DCAF6: variants seen among roughly 807,000 people sequenced by gnomAD.
DCAF6 encodes DDB1- and CUL4-associated factor 6.
DCAF6 carries 54 observed loss-of-function variants against 125.1 expected under a neutral mutation model. The ratio of observed to expected loss-of-function variants is 0.43; its 90% CI spans 0.35 to 0.54. The LOEUF (loss-of-function observed/expected upper bound fraction) is 0.54. Ranked by LOEUF, DCAF6 falls within the 20% of genes least tolerant of loss-of-function variation. The pLI is 0.01. For synonymous variants in DCAF6, 371 were observed against 390.4 expected, an observed-to-expected ratio of 0.95 and a Z score of 0.58; for missense variants, 934 against 1,161.7, an observed-to-expected ratio of 0.80 and a Z score of 2.85.
chr1:168,028,834 A>G (rs997295358), intron 12 of DCAF6, among the ~76,000 whole-genome samples: 1 of 152,160 alleles, frequency 6.6e-6, no homozygotes, highest in African/African-American at 2.4e-5. Flanking sequence ...TCTAATTTTT[A>G]TTAAATAAAT....
the DCAF6 span, chr1:167,919,904 T>C: frequency 9.9e-7 from 1 of 1,009,590 alleles, no homozygotes; most frequent in South Asian, 1.5e-5. Context: ...CGAGACCCCG[T>C]CTCAAAAAAA....
At chr1:167,931,826 C>A (rs867266073), upstream of DCAF6, among the ~76,000 whole-genome samples, 8 of 152,108 alleles carry the variant, frequency 5.3e-5, no homozygotes, top group South Asian at 4.1e-4. Context: ...TCCTTATAAA[C>A]ACTGATAACA....
intron 21 of DCAF6, among the ~76,000 whole-genome samples, chr1:168,070,424 A>T (rs1416980985): frequency 6.6e-6 from 1 of 152,200 alleles, no homozygotes; most frequent in Non-Finnish European, 1.5e-5. Context: ...TCAAATAAGC[A>T]CATGGTAGCC....
the DCAF6 span, among the ~76,000 whole-genome samples, chr1:167,867,263 C>T: frequency 6.6e-6 from 1 of 152,184 alleles, no homozygotes; most frequent in Non-Finnish European, 1.5e-5. Context: ...CCAACCTCTG[C>T]AAAGTGACTC....
At chr1:167,947,897 T>G (rs372929706) in intron 1 of DCAF6, among the ~76,000 whole-genome samples, 140 of 152,324 alleles carry the variant, frequency 9.2e-4, no homozygotes, top group Middle Eastern at 3.4e-3. Flanking sequence ...TGGTCTAAAG[T>G]CCAGTTTAAG....
intron 17 of DCAF6, among the ~76,000 whole-genome samples, chr1:168,054,820 T>G (rs1488650322): frequency 5.6e-5 from 4 of 71,362 alleles, no homozygotes; most frequent in African/African-American, 2.5e-4. Context: ...ACGGGTTTGG[T>G]TTTTTTTTTT....
Position 168,060,320 on chromosome 1 carries a change from C to CA in DCAF6, c.2301-3300dup, listed in dbSNP as rs545799679. On this transcript the variant is annotated intron_variant, in intron 17 of 21. Coordinates refer to ENST00000367840, the MANE Select transcript of DCAF6 (RefSeq NM_001198956.2). ...TCGGCCTCCCAAATAGCAGGGACTA[C>CA]AGGTGTGTGTGTACCACCATGCCCA... Among the ~76,000 whole-genome samples the CA allele has an allele frequency of 2.2e-3, 340 of 152,166 alleles. 2 individuals are homozygous for CA. Among genetic ancestry groups the CA allele is most frequent in the African/African-American group, 7.5e-3 (312 of 41,516 alleles).
the DCAF6 span, among the ~76,000 whole-genome samples, chr1:167,896,193 C>G: frequency 6.6e-6 from 1 of 151,894 alleles, no homozygotes; most frequent in African/African-American, 2.4e-5. Flanking sequence ...CATCAAGGTG[C>G]TTGCAATCAA....
intron 12 of DCAF6, among the ~76,000 whole-genome samples, chr1:168,033,476 C>T (rs185088381): frequency 0.012 from 1,761 of 151,988 alleles, 41 homozygotes; most frequent in African/African-American, 0.04. Flanking sequence ...CCACCGCGCC[C>T]GGCTAATTTT....
At chr1:167,968,960 A>G (rs1676883839) in intron 3 of DCAF6, among the ~76,000 whole-genome samples, 1 of 152,152 alleles carries the variant, frequency 6.6e-6, no homozygotes, top group African/African-American at 2.4e-5. Flanking sequence ...TACTTCATTA[A>G]TATTTAGGTC....
intron 9 of DCAF6, 70 bp downstream of exon 9, chr1:168,004,059 T>C: frequency 6.5e-7 from 1 of 1,544,392 alleles, no homozygotes; most frequent in Non-Finnish European, 8.8e-7. Context: ...AGTTTTTATT[T>C]CTATCATGTA....
chr1:168,063,635 C>T lies in DCAF6; in HGVS notation c.2315C>T (p.Ala772Val). 1 of 1,584,252 alleles carries T rather than the reference C, an allele frequency of 6.3e-7. No individual in the cohort carries two copies. Among genetic ancestry groups the T allele is most frequent in the Non-Finnish European group, 8.6e-7 (1 of 1,167,644 alleles). The change falls in exon 18 of 22, where the codon GCC becomes GTC. Residue 772 changes from alanine to valine, a missense_variant. Physicochemically the swap from Ala to Val is moderately conservative, Grantham distance 64. Transcript: ENST00000367840. ...AATTCATATAGACGCTCTGCTGTTG[C>T]CCGTATTCAGGAGTTCTTCAGACGG... ...GDRIMRRSAV[A>V]RIQEFFRRRK... is the part of the protein sequence containing the mutation.
the DCAF6 span, among the ~76,000 whole-genome samples, chr1:167,897,257 G>A: frequency 6.6e-6 from 1 of 151,128 alleles, no homozygotes; most frequent in African/African-American, 2.4e-5. Flanking sequence ...AGGCTGAGGT[G>A]GGCAGATTGC....
intron 10 of DCAF6, among the ~76,000 whole-genome samples, chr1:168,015,188 T>C (rs1684799050): frequency 6.6e-6 from 1 of 152,176 alleles, no homozygotes; most frequent in Non-Finnish European, 1.5e-5. Flanking sequence ...CTGTGATCAC[T>C]TCAGATAAAG....
chr1:167,990,886 T>C (rs1412957213), intron 5 of DCAF6, among the ~76,000 whole-genome samples: 3 of 152,204 alleles, frequency 2.0e-5, no homozygotes, highest in African/African-American at 7.2e-5. Flanking sequence ...ATAAGGAAAG[T>C]CTACAATATT....
chr1:168,023,103 A>G (rs1377484496), intron 12 of DCAF6, 56 bp downstream of exon 12: 1 of 1,534,754 alleles, frequency 6.5e-7, no homozygotes, highest in East Asian at 2.2e-5. Context: ...ATTGCAATGC[A>G]TATACTAAGC....
chr1:168,060,853 C>T (rs1196488196), intron 17 of DCAF6, among the ~76,000 whole-genome samples: 1 of 152,242 alleles, frequency 6.6e-6, no homozygotes, highest in Non-Finnish European at 1.5e-5. Context: ...CCCGCCACTG[C>T]ACTCCAGCCT....
At chr1:167,953,348 C>T (rs1006293290) in intron 2 of DCAF6, among the ~76,000 whole-genome samples, 11 of 152,120 alleles carry the variant, frequency 7.2e-5, no homozygotes, top group East Asian at 5.8e-4. Context: ...CAGCATGCCA[C>T]GCCTGGTCAG....
intron 19 of DCAF6, 132 bp downstream of exon 19, chr1:168,065,878 A>C (rs927700005): frequency 2.6e-6 from 2 of 758,740 alleles, no homozygotes; most frequent in African/African-American, 3.5e-5. Context: ...AGTAGAGTCA[A>C]TTACAGCTGA....
Sources: gnomAD v4.1 joint callset for allele counts (sites outside exome capture counted in the v4.1 genomes callset) on GRCh38, gnomAD v4.1.1 for gene constraint, MANE v1.5 for transcripts, NCBI Gene and HGNC (gene_info 2026-07-23, HGNC 2026-07-21) for gene names.